Variants in CHST6 observed in about 807,000 individuals in gnomAD.
CHST6 encodes the protein carbohydrate sulfotransferase 6.
For synonymous variants in CHST6, 309 were observed against 276.4 expected, an observed-to-expected ratio of 1.12 and a Z score of -1.17; for missense variants, 698 against 586.2, an observed-to-expected ratio of 1.19 and a Z score of -1.97.
Position 75,478,811 on chromosome 16 carries a change from C to T in CHST6, c.1018G>A (p.Ala340Thr). ...SQAWRHALPF[A>T]KIRRVQELCA... ...AGTTCCTGCACGCGGCGGATCTTGG[C>T]AAAGGGCAGCGCATGGCGCCAGGCC... Residue 340 changes from alanine (A) to threonine (T), a missense_variant, in exon 3 of 3, where the codon GCC becomes ACC. By Grantham distance (58) the Ala-to-Thr change is moderately conservative. Coordinates refer to ENST00000332272, the MANE Select transcript of CHST6 (RefSeq NM_021615.5). 1 of 1,613,444 alleles carries T rather than the reference C, an allele frequency of 6.2e-7. No homozygotes were observed. Among genetic ancestry groups the T allele is most frequent in the Non-Finnish European group, 8.5e-7 (1 of 1,179,980 alleles).
At chr16:75,494,525 TC>T (rs1244831790) in intron 1 of CHST6, among the ~76,000 whole-genome samples, 1 of 152,150 alleles carries the variant, frequency 6.6e-6, no homozygotes. Flanking sequence ...AGAGGGCCTG[TC>T]CTGAAGCCCA....
chr16:75,478,356 A>G lies in CHST6; in HGVS notation c.*285T>C. The G allele has an allele frequency of 2.0e-6, 1 of 489,820 alleles. No individual in the cohort carries two copies. Among genetic ancestry groups the G allele is most frequent in the Non-Finnish European group, 3.7e-6 (1 of 268,228 alleles). 30.3% of individuals were successfully genotyped at this position (489,820 alleles called of 1,614,324 possible). A position where few individuals can be genotyped will look rare whatever the true frequency, so the allele number is the denominator to read the frequency against. ...TTAAAGGGGAAGAAAGCCCTTGAGTAGGAGCCAAGTCATCTGAACGCACAC... is the reference window on the plus strand; with the variant it reads ...TTAAAGGGGAAGAAAGCCCTTGAGTGGGAGCCAAGTCATCTGAACGCACAC... On this transcript the variant is annotated 3_prime_UTR_variant, in exon 3 of 3. Coordinates refer to ENST00000332272, the MANE Select transcript of CHST6 (RefSeq NM_021615.5).
Position 75,475,027 on chromosome 16 carries a change from C to G in CHST6, c.*3614G>C, listed in dbSNP as rs373631258. On this transcript the variant is annotated 3_prime_UTR_variant, in exon 3 of 3. Coordinates refer to ENST00000332272, the MANE Select transcript of CHST6 (RefSeq NM_021615.5). ...GCCAGGCTGGTCTCAAACTCCTGAC[C>G]TCAAGTAATCCGCACACCTCAACCT... The G allele has an allele frequency of 4.8e-6, 1 of 207,174 alleles. No individual in the cohort carries two copies. The highest frequency in any genetic ancestry group is 9.6e-6 in the Non-Finnish European group (1 of 104,040). The allele number at this position is 207,174 out of a possible 1,614,324, so 12.8% of individuals were successfully genotyped here. A position where few individuals can be genotyped will look rare whatever the true frequency, so the allele number is the denominator to read the frequency against.
At chr16:75,481,950 G>A (rs2080146637) in intron 1 of CHST6, 59 bp from the exon 2 acceptor site, 5 of 438,092 alleles carry the variant, frequency 1.1e-5, no homozygotes, top group South Asian at 4.9e-5. Flanking sequence ...CCCCAAAAGC[G>A]ACACAACTTC....
At chr16:75,483,721 A>G (rs538984521) in intron 1 of CHST6, among the ~76,000 whole-genome samples, 1 of 152,302 alleles carries the variant, frequency 6.6e-6, no homozygotes, top group South Asian at 2.1e-4. Flanking sequence ...GAGGAAGGGC[A>G]GGGGCTTAAA....
chr16:75,478,480 G>T lies in CHST6; in HGVS notation c.*161C>A. 1 of 708,308 alleles carries T rather than the reference G, an allele frequency of 1.4e-6. No individual in the cohort carries two copies. 43.9% of individuals were successfully genotyped at this position (708,308 alleles called of 1,614,324 possible). A position where few individuals can be genotyped will look rare whatever the true frequency, so the allele number is the denominator to read the frequency against. On this transcript the variant is annotated 3_prime_UTR_variant, in exon 3 of 3. Coordinates refer to ENST00000332272, the MANE Select transcript of CHST6 (RefSeq NM_021615.5). ...GACTCAAAGGAAAACCAAGAATCAAGAGAGAAAGAAACGTGCAGTCCTTGC... is the reference window on the plus strand; with the variant it reads ...GACTCAAAGGAAAACCAAGAATCAATAGAGAAAGAAACGTGCAGTCCTTGC...
Position 75,479,522 on chromosome 16 carries a change from C to A in CHST6, c.307G>T (p.Asp103Tyr). The A allele has an allele frequency of 1.9e-6, 3 of 1,612,872 alleles. No homozygotes were observed. The highest frequency in any genetic ancestry group is 1.7e-6 in the Non-Finnish European group (2 of 1,179,826). The change falls in exon 3 of 3, where the codon GAC (aspartate) becomes TAC (tyrosine). Residue 103 changes from aspartate (D) to tyrosine (Y), a missense_variant. Asp to Tyr is a radical substitution (Grantham distance 160). Transcript: ENST00000332272. ...AGATAGGCATCAAACACGTCCATGT[C>A]GCACAGGAAGACGGAGCGCACCAGG... ...RDLVRSVFLCDMDVFDAYLPW... is the reference protein window; with the variant it reads ...RDLVRSVFLCYMDVFDAYLPW...
At chr16:75,489,415 A>G (rs576527679) in intron 1 of CHST6, among the ~76,000 whole-genome samples, 80 of 151,626 alleles carry the variant, frequency 5.3e-4, no homozygotes, top group South Asian at 1.4e-3. Context: ...AAAAAAAAAA[A>G]AAAAGAAAAA....
Position 75,479,012 on chromosome 16 carries a change from A to G in CHST6, c.817T>C (p.Phe273Leu). The part of the protein sequence containing the change: ...FLRGRYRLVR[F>L]EDLAREPLAE... ...AGCGGCTCCCGCGCCAGGTCCTCGAAGCGCACCAGGCGGTAGCGGCCGCGC... is the reference window on the plus strand; with the variant it reads ...AGCGGCTCCCGCGCCAGGTCCTCGAGGCGCACCAGGCGGTAGCGGCCGCGC... Residue 273 changes from phenylalanine (F) to leucine (L), a missense_variant, in exon 3 of 3, where the codon TTC becomes CTC. By Grantham distance (22) the Phe-to-Leu change is conservative (BLOSUM62 0). Transcript: ENST00000332272. 1 of 1,611,648 alleles carries G rather than the reference A, an allele frequency of 6.2e-7. No individual in the cohort carries two copies. Among genetic ancestry groups the G allele is most frequent in the African/African-American group, 1.3e-5 (1 of 75,070 alleles).
At position 75,478,798 on chromosome 16, in the gene CHST6, C is replaced by T; in HGVS notation, c.1031G>A (p.Arg344His). Reference protein sequence around the residue: ...RHALPFAKIRRVQELCAGALQ... With the variant: ...RHALPFAKIRHVQELCAGALQ... ...CGCACCAGCGCACAGTTCCTGCACG[C>T]GGCGGATCTTGGCAAAGGGCAGCGC... Residue 344 changes from arginine (R) to histidine (H), a missense_variant, in exon 3 of 3, where the codon CGC (arginine) becomes CAC (histidine). Coordinates refer to ENST00000332272, the MANE Select transcript of CHST6 (RefSeq NM_021615.5). 6.8e-6 allele frequency: 11 copies of T among 1,613,498 alleles called. No individual in the cohort carries two copies. Among genetic ancestry groups the T allele is most frequent in the Non-Finnish European group, 9.3e-6 (11 of 1,179,996 alleles).
Position 75,472,660 on chromosome 16 carries a change from A to T in CHST6, c.*5981T>A, listed in dbSNP as rs2080031019. 1 of 152,288 alleles carries T rather than the reference A, an allele frequency of 6.6e-6. No individual in the cohort carries two copies. Among genetic ancestry groups the T allele is most frequent in the African/African-American group, 2.4e-5 (1 of 41,456 alleles). 9.4% of individuals were successfully genotyped at this position (152,288 alleles called of 1,614,324 possible). ...GTCTGTAGGAGTGGGTGACAAAGGC[A>T]CATCAAAGACAAAGCTAGGGGACAC... On this transcript the variant is annotated 3_prime_UTR_variant, in exon 3 of 3. Coordinates refer to ENST00000332272, the MANE Select transcript of CHST6 (RefSeq NM_021615.5).
chr16:75,480,943 A>AG (rs142843099), intron 2 of CHST6, among the ~76,000 whole-genome samples: 2 of 33,136 alleles, frequency 6.0e-5, no homozygotes, highest in South Asian at 9.6e-4. Flanking sequence ...AAAAAAAAAA[A>AG]AAAGAAAAGA....
chr16:75,492,272 A>C (rs2650413), intron 1 of CHST6, among the ~76,000 whole-genome samples: 20,616 of 152,246 alleles, frequency 0.14, 3,683 homozygotes, highest in African/African-American at 0.41. Flanking sequence ...GGGCACTTCA[A>C]ACAGCACCTG....
chr16:75,493,607 A>C (rs2080279808), intron 1 of CHST6, among the ~76,000 whole-genome samples: 1 of 152,126 alleles, frequency 6.6e-6, no homozygotes, highest in South Asian at 2.1e-4. Flanking sequence ...GATATTTGTA[A>C]AGCAGAACAA....
chr16:75,488,673 A>T (rs904180222), intron 1 of CHST6, among the ~76,000 whole-genome samples: 1 of 151,902 alleles, frequency 6.6e-6, no homozygotes, highest in African/African-American at 2.4e-5. Flanking sequence ...GAGACAAAAC[A>T]TAAAGCAGGG....
At chr16:75,481,067 T>C (rs928916780) in intron 2 of CHST6, among the ~76,000 whole-genome samples, 4 of 151,802 alleles carry the variant, frequency 2.6e-5, no homozygotes, top group African/African-American at 9.7e-5. Context: ...GAGACCAGCC[T>C]GGGCAACATA....
intron 1 of CHST6, among the ~76,000 whole-genome samples, chr16:75,488,688 T>G (rs368646853): frequency 6.6e-6 from 1 of 151,188 alleles, no homozygotes; most frequent in Admixed American, 6.6e-5. Context: ...GCAGGGAACA[T>G]AAAACATAAA....
At position 75,479,151 on chromosome 16, in the gene CHST6, C is replaced by A. The variant is rs2080105049; in HGVS notation, c.678G>T (p.Leu226=). Residue 226 remains leucine, a synonymous_variant, in exon 3 of 3, where the codon CTG becomes CTT. Coordinates refer to ENST00000332272, the MANE Select transcript of CHST6 (RefSeq NM_021615.5). Reference sequence around the variant, plus strand: ...CCTCCACCCACGTGCCGTTGGTGCCCAGCACGATGCCGTTGTCACGCGCCA... The same window carrying A: ...CCTCCACCCACGTGCCGTTGGTGCCAAGCACGATGCCGTTGTCACGCGCCA... The part of the protein sequence containing the change: ...KALARDNGIV[L]GTNGTWVEAD... 1 of 1,607,132 alleles carries A rather than the reference C, an allele frequency of 6.2e-7. No homozygotes were observed. The highest frequency in any genetic ancestry group is 1.3e-5 in the African/African-American group (1 of 74,880).
At chr16:75,489,277 T>A in intron 1 of CHST6, among the ~76,000 whole-genome samples, 1 of 150,432 alleles carries the variant, frequency 6.6e-6, no homozygotes, top group South Asian at 2.1e-4. Context: ...TGCATGCCTG[T>A]AATCCCAGCT....
Sources: allele counts gnomAD v4.1 joint callset (sites outside exome capture counted in the v4.1 genomes callset), GRCh38; gene constraint gnomAD v4.1.1; transcripts MANE v1.5; gene names NCBI Gene and HGNC (gene_info 2026-07-23, HGNC 2026-07-21).